The following NRIP1 variants were observed in gnomAD, a reference collection of about 807,000 sequenced individuals.
The protein encoded by NRIP1 is nuclear receptor interacting protein 1, also known as nuclear receptor-interacting protein 1.
Under a neutral mutation model 75.0 loss-of-function variants are expected in NRIP1, and 28 were observed. The ratio of observed to expected loss-of-function variants is 0.37; its 90% CI spans 0.28 to 0.51. NRIP1 has a LOEUF of 0.51. NRIP1 is among the 20% of genes least tolerant of loss of function. The pLI is 0.92. For missense variants in NRIP1, 1,435 were observed against 1,343.7 expected, an observed-to-expected ratio of 1.07 and a Z score of -1.06; for synonymous variants, 526 against 487.6, an observed-to-expected ratio of 1.08 and a Z score of -1.04.
At chr21:14,988,942 A>G (rs1266538801) in intron 3 of NRIP1, among the ~76,000 whole-genome samples, 1 of 151,578 alleles carries the variant, frequency 6.6e-6, no homozygotes, top group African/African-American at 2.4e-5. Flanking sequence ...CGAGGAGAGG[A>G]GAGGAGAGGA....
intron 3 of NRIP1, among the ~76,000 whole-genome samples, chr21:15,005,524 G>C (rs2087946803): frequency 6.6e-6 from 1 of 152,168 alleles, no homozygotes; most frequent in Non-Finnish European, 1.5e-5. Flanking sequence ...TGCATCAGCA[G>C]CACAGCAAGG....
chr21:15,022,067 C>A (rs1224139009), intron 2 of NRIP1, among the ~76,000 whole-genome samples: 11 of 152,166 alleles, frequency 7.2e-5, no homozygotes. Flanking sequence ...TTATAAATCA[C>A]TCTATCATAA....
At chr21:15,018,579 G>C (rs1362477639) in intron 2 of NRIP1, among the ~76,000 whole-genome samples, 1 of 152,184 alleles carries the variant, frequency 6.6e-6, no homozygotes, top group Non-Finnish European at 1.5e-5. Context: ...AAGGAACTGA[G>C]AGATGACCAA....
intron 2 of NRIP1, among the ~76,000 whole-genome samples, chr21:15,037,118 A>G (rs1396159881): frequency 6.6e-6 from 1 of 152,202 alleles, no homozygotes; most frequent in African/African-American, 2.4e-5. Context: ...GGAACATTAA[A>G]AGAGCATTCT....
chr21:15,044,875 A>T (rs183056734), intron 1 of NRIP1, among the ~76,000 whole-genome samples: 2 of 152,310 alleles, frequency 1.3e-5, no homozygotes, highest in East Asian at 1.9e-4. Context: ...TTCAATACCC[A>T]GCATGGTGCA....
At chr21:14,982,734 A>C (rs1031648573) in intron 3 of NRIP1, among the ~76,000 whole-genome samples, 5 of 144,708 alleles carry the variant, frequency 3.5e-5, no homozygotes, top group African/African-American at 1.3e-4. Context: ...TTTTTTTTAC[A>C]ATCTAAGGAT....
At chr21:15,006,733 T>C (rs1568975032) in intron 3 of NRIP1, among the ~76,000 whole-genome samples, 1 of 152,212 alleles carries the variant, frequency 6.6e-6, no homozygotes, top group South Asian at 2.1e-4. Context: ...TATGTTTTCC[T>C]GAACAGGACA....
intron 2 of NRIP1, among the ~76,000 whole-genome samples, chr21:15,035,725 T>A (rs2088817905): frequency 6.6e-6 from 1 of 151,964 alleles, no homozygotes; most frequent in Non-Finnish European, 1.5e-5. Flanking sequence ...GCCGGTTGAT[T>A]TTTTGTATTT....
intron 3 of NRIP1, among the ~76,000 whole-genome samples, chr21:15,011,730 GA>G (rs1457727626): frequency 5.3e-5 from 8 of 152,042 alleles, no homozygotes; most frequent in Admixed American, 5.2e-4. Context: ...TAACACTACC[GA>G]AAATATTCTC....
chr21:15,045,016 C>A (rs1464765984), intron 1 of NRIP1, among the ~76,000 whole-genome samples: 1 of 152,182 alleles, frequency 6.6e-6, no homozygotes, highest in Non-Finnish European at 1.5e-5. Flanking sequence ...GGACCAACTA[C>A]AATGAAAAAT....
intron 1 of NRIP1, among the ~76,000 whole-genome samples, chr21:15,060,171 ATATT>A (rs1290378719): frequency 6.6e-6 from 1 of 152,158 alleles, no homozygotes; most frequent in Admixed American, 6.5e-5. Context: ...CTCAGTTTCT[ATATT>A]TATTGCAACA....
rs2146997155 is a variant in NRIP1 at position 14,978,203 on chromosome 21, A to G, written c.-334-9677T>C. On this transcript the variant is annotated intron_variant, in intron 3 of 3. Coordinates refer to ENST00000318948, the MANE Select transcript of NRIP1 (RefSeq NM_003489.4). ...ACTCAAGCATTCAACGCAAGGACAC[A>G]TGTATATGAGGACCCCTCTAAATCT... Among the ~76,000 whole-genome samples, 2 of 152,338 alleles carry G rather than the reference A, an allele frequency of 1.3e-5. 1 individual carries two copies. The highest frequency in any genetic ancestry group is 6.8e-3 in the Middle Eastern group (2 of 294).
chr21:15,014,494 C>T, intron 2 of NRIP1, 28 bp from the exon 3 acceptor site: 2 of 398,340 alleles, frequency 5.0e-6, no homozygotes. Context: ...GATAGTTTGG[C>T]ATCTATTCCA....
chr21:14,994,456 C>CT (rs750895692), intron 3 of NRIP1, among the ~76,000 whole-genome samples: 5 of 152,112 alleles, frequency 3.3e-5, no homozygotes, highest in Admixed American at 6.6e-5. Context: ...TGCTATCTAA[C>CT]TTTTTTATTA....
In NRIP1 at chr21:15,010,250, A is replaced by G. The variant is rs550369613; in HGVS notation, c.-335+4094T>C. ...GGGCAAATGTAGCAGAGAATCAAGG[A>G]GACTATCAGGTTCACAACAGTTAAT... On this transcript the variant is annotated intron_variant, in intron 3 of 3. Transcript: ENST00000318948. Among the ~76,000 whole-genome samples the G allele has an allele frequency of 2.6e-5, 4 of 152,316 alleles. No homozygotes were observed. In the East Asian group the frequency reaches 5.8e-4, roughly 22 times the overall value.
chr21:15,019,280 G>C (rs1397478983), intron 2 of NRIP1, among the ~76,000 whole-genome samples: 9 of 149,170 alleles, frequency 6.0e-5, no homozygotes, highest in Admixed American at 5.3e-4. Flanking sequence ...AGAAGACAAG[G>C]ATATCTGATG....
chr21:14,981,255 C>T (rs1265856021), intron 3 of NRIP1, among the ~76,000 whole-genome samples: 4 of 152,246 alleles, frequency 2.6e-5, no homozygotes, highest in South Asian at 2.1e-4. Flanking sequence ...CACTTACTTA[C>T]TTTAAATGGT....
At chr21:15,064,499 AC>A (rs1978673544) in intron 1 of NRIP1, among the ~76,000 whole-genome samples, 1 of 151,924 alleles carries the variant, frequency 6.6e-6, no homozygotes, top group South Asian at 2.1e-4. Flanking sequence ...ACTGGCACGG[AC>A]GGGCGGGCCG....
At position 14,994,608 on chromosome 21, in the gene NRIP1, C is replaced by T. The variant is rs371872281; in HGVS notation, c.-335+19736G>A. On this transcript the variant is annotated intron_variant, in intron 3 of 3. Coordinates refer to ENST00000318948, the MANE Select transcript of NRIP1 (RefSeq NM_003489.4). ...AATTTTCATTGGAATTTCAAATGAA[C>T]TTTGCTTTTTACAGTGAAAAACATT... Among the ~76,000 whole-genome samples the T allele has an allele frequency of 1.2e-4, 18 of 152,252 alleles. No homozygotes were observed. In the East Asian group the frequency reaches 3.5e-3, roughly 29 times the overall value.
Sources: gnomAD v4.1 joint callset for allele counts (sites outside exome capture counted in the v4.1 genomes callset) on GRCh38, gnomAD v4.1.1 for gene constraint, MANE v1.5 for transcripts, NCBI Gene and HGNC (gene_info 2026-07-23, HGNC 2026-07-21) for gene names.